CRACR2A: variants seen among roughly 807,000 people sequenced by gnomAD.
CRACR2A encodes the protein EF-hand calcium-binding domain-containing protein 4B.
A neutral mutation model predicts 90.5 loss-of-function variants in CRACR2A; 79 were observed. The observed-to-expected ratio is 0.87, with a 90% CI of 0.73 to 1.05. The LOEUF is 1.05. Ranked by LOEUF, CRACR2A falls within the 50% of genes least tolerant of loss-of-function variation. The probability of loss-of-function intolerance (pLI) is 0.00; values close to 1 mark genes in which losing one functional copy is unlikely to be tolerated. For missense variants in CRACR2A, 823 were observed against 897.2 expected, an observed-to-expected ratio of 0.92 and a Z score of 1.06; for synonymous variants, 338 against 356.7, an observed-to-expected ratio of 0.95 and a Z score of 0.59.
intron 17 of CRACR2A, among the ~76,000 whole-genome samples, chr12:3,622,938 A>T (rs1396537980): frequency 6.6e-6 from 1 of 152,208 alleles, no homozygotes; most frequent in Non-Finnish European, 1.5e-5. Context: ...TTTTTGCACC[A>T]TGCTGTACAT....
chr12:3,752,732 C>T (rs539118227), intron 1 of CRACR2A: 1 of 152,720 alleles, frequency 6.5e-6, no homozygotes, highest in South Asian at 2.1e-4. Flanking sequence ...CTGGATGAGG[C>T]TGGAGGGTTC....
At chr12:3,717,133 T>C (rs949024559) in intron 2 of CRACR2A, among the ~76,000 whole-genome samples, 1 of 152,120 alleles carries the variant, frequency 6.6e-6, no homozygotes, top group African/African-American at 2.4e-5. Context: ...TTGGATGCTC[T>C]TCAGGATAAT....
chr12:3,648,151 T>G, intron 11 of CRACR2A: 2 of 1,049,324 alleles, frequency 1.9e-6, no homozygotes, highest in Non-Finnish European at 1.1e-6. Context: ...CATCAGTAAA[T>G]TCCTGTGAAT....
intron 1 of CRACR2A, among the ~76,000 whole-genome samples, chr12:3,743,716 G>A (rs1946566527): frequency 6.6e-6 from 1 of 152,158 alleles, no homozygotes; most frequent in Non-Finnish European, 1.5e-5. Flanking sequence ...TTATTATGAA[G>A]CATGCAGCCC....
At chr12:3,649,868 G>GA (rs145165843) in intron 10 of CRACR2A, among the ~76,000 whole-genome samples, 48,893 of 150,988 alleles carry the variant, frequency 0.32, 9,059 homozygotes, top group Admixed American at 0.46. Context: ...GAAAAAGGAA[G>GA]AAAAAAGAGG....
At chr12:3,720,464 A>AAGCAAGCAAGCAAGCAAGC (rs1946152835) in intron 2 of CRACR2A, among the ~76,000 whole-genome samples, 1 of 150,792 alleles carries the variant, frequency 6.6e-6, no homozygotes, top group African/African-American at 2.5e-5. Context: ...AGAAAGAAAG[A>AAGCAAGCAAGCAAGCAAGC]AAGCAAAAGA....
intron 18 of CRACR2A, among the ~76,000 whole-genome samples, chr12:3,618,185 A>C (rs1867732408): frequency 6.6e-6 from 1 of 151,278 alleles, no homozygotes; most frequent in African/African-American, 2.4e-5. Flanking sequence ...AAAAAAAAGA[A>C]AAGAAAAGAG....
intron 8 of CRACR2A, among the ~76,000 whole-genome samples, chr12:3,657,129 C>G (rs1334902458): frequency 6.6e-6 from 1 of 152,218 alleles, no homozygotes; most frequent in East Asian, 1.9e-4. Context: ...GTGTAAGGCC[C>G]CTGAGCCGAG....
chr12:3,749,768 TTTGTTG>T (rs1015006311), intron 1 of CRACR2A, among the ~76,000 whole-genome samples: 2 of 151,344 alleles, frequency 1.3e-5, no homozygotes, highest in African/African-American at 2.4e-5. Context: ...TGTGCTGGTT[TTTGTTG>T]TTGTTGTTGT....
rs949018876 is a variant in CRACR2A at position 3,638,345 on chromosome 12, C to G, written c.1381G>C (p.Gly461Arg). The G allele has an allele frequency of 6.4e-7, 1 of 1,551,500 alleles. No homozygotes were observed. Among genetic ancestry groups the G allele is most frequent in the Non-Finnish European group, 8.7e-7 (1 of 1,146,960 alleles). The part of the protein sequence containing the change: ...EEPGTGEPGP[G>R]GPYPRPLRRI... Reference sequence around the variant, plus strand: ...CGGAGCGGCCGGGGGTACGGACCCCCAGGCCCTGGCTCCCCGGTTCCTGGC... The same window carrying G: ...CGGAGCGGCCGGGGGTACGGACCCCGAGGCCCTGGCTCCCCGGTTCCTGGC... The change falls in exon 14 of 20, where the codon GGG (glycine) becomes CGG (arginine). Residue 461 changes from glycine (G) to arginine (R), a missense_variant. Transcript: ENST00000440314.
In CRACR2A at chr12:3,641,791, C is replaced by T. The variant is rs1166690039; in HGVS notation, c.1212G>A (p.Trp404Ter). 2 of 1,551,580 alleles carry T rather than the reference C, an allele frequency of 1.3e-6. No individual in the cohort carries two copies. Among genetic ancestry groups the T allele is most frequent in the Non-Finnish European group, 8.7e-7 (1 of 1,146,988 alleles). Residue 404 changes from tryptophan (W) to a stop codon, truncating the protein, a stop_gained, in exon 13 of 20, where the codon TGG (tryptophan) becomes TGA (stop). Coordinates refer to ENST00000440314, the MANE Select transcript of CRACR2A (RefSeq NM_001144958.2). LOFTEE classifies it high-confidence loss of function. ...CTATCACAGAGCCAGATCTCTTTTT[C>T]CAACTTGCCCTGGAAGCAGCTGTGT... ...KANTAASRAS[W>*]KKRSGSVIGK... is the part of the protein sequence containing the mutation.
chr12:3,652,000 C>T (rs1008896581), intron 10 of CRACR2A, among the ~76,000 whole-genome samples: 1 of 152,160 alleles, frequency 6.6e-6, no homozygotes, highest in Non-Finnish European at 1.5e-5. Flanking sequence ...GCATGCTCAC[C>T]GGCTGCACAA....
rs544801041 is a variant in CRACR2A at position 3,626,421 on chromosome 12, T to C, written c.1932+1015A>G. Among the ~76,000 whole-genome samples, 24 of 152,324 alleles carry C rather than the reference T, an allele frequency of 1.6e-4. No individual in the cohort carries two copies. The South Asian group carries it at 4.8e-3, about 30-fold the overall frequency. On this transcript the variant is annotated intron_variant, in intron 17 of 19. Coordinates refer to ENST00000440314, the MANE Select transcript of CRACR2A (RefSeq NM_001144958.2). The stretch of plus-strand genomic sequence containing the variant: ...TGTTCTTAGGCAGCACGGAGTCCAG[T>C]GGGAGACACAGGCCAGTAAATAAGC...
rs769646102 is a variant in CRACR2A at position 3,616,966 on chromosome 12, A to T, written c.2099T>A (p.Leu700His). Residue 700 changes from leucine (L) to histidine (H), a missense_variant, in exon 19 of 20, where the codon CTC becomes CAC. Transcript: ENST00000440314. Reference sequence around the variant, plus strand: ...CACATCTCTTTACCTGGCCAGATGGAGCAGGGACTCTTTGGTGTTGTGACC... The same window carrying T: ...CACATCTCTTTACCTGGCCAGATGGTGCAGGGACTCTTTGGTGTTGTGACC... ...YSGHNTKESLLHLARFLKEQE... is the reference protein window; with the variant it reads ...YSGHNTKESLHHLARFLKEQE... 1.3e-6 allele frequency: 2 copies of T among 1,551,290 alleles called. No individual in the cohort carries two copies. Among genetic ancestry groups the T allele is most frequent in the East Asian group, 2.4e-5 (1 of 40,922 alleles).
intron 4 of CRACR2A, 138 bp downstream of exon 4, chr12:3,696,634 G>A: frequency 7.9e-7 from 1 of 1,269,086 alleles, no homozygotes; most frequent in Non-Finnish European, 1.1e-6. Flanking sequence ...GTAGAGTTTG[G>A]GCAGATCCTT....
At chr12:3,720,063 G>A (rs989487552) in intron 2 of CRACR2A, among the ~76,000 whole-genome samples, 1 of 151,352 alleles carries the variant, frequency 6.6e-6, no homozygotes, top group East Asian at 1.9e-4. Context: ...AAGTTGCAGT[G>A]AGCTGAGATC....
chr12:3,705,896 T>C (rs1433165381), intron 3 of CRACR2A, among the ~76,000 whole-genome samples: 1 of 152,146 alleles, frequency 6.6e-6, no homozygotes, highest in African/African-American at 2.4e-5. Flanking sequence ...ATCCCTAATT[T>C]GTAGCATCTG....
At chr12:3,628,023 C>T (rs1056041748) in intron 15 of CRACR2A, among the ~76,000 whole-genome samples, 2 of 133,860 alleles carry the variant, frequency 1.5e-5, no homozygotes, top group African/African-American at 5.5e-5. Flanking sequence ...CCCTCCCTCT[C>T]TCCTTCCCTC....
intron 15 of CRACR2A, among the ~76,000 whole-genome samples, chr12:3,629,236 A>T (rs7978037): frequency 0.67 from 101,007 of 151,760 alleles, 33,960 homozygotes; most frequent in African/African-American, 0.77. Context: ...AGCTGGTCGG[A>T]AGCAAGGTGA....
Sources: gnomAD v4.1 joint callset for allele counts (sites outside exome capture counted in the v4.1 genomes callset) on GRCh38, gnomAD v4.1.1 for gene constraint, MANE v1.5 for transcripts, NCBI Gene and HGNC (gene_info 2026-07-23, HGNC 2026-07-21) for gene names.